TRIOBP: variants seen among roughly 807,000 people sequenced by gnomAD.
TRIOBP encodes TRIO and F-actin binding protein.
A neutral mutation model predicts 238.8 loss-of-function variants in TRIOBP; 169 were observed. That is an observed-to-expected ratio of 0.71 (90% CI 0.62 to 0.80). The LOEUF is 0.80. Among genes scored for constraint, TRIOBP ranks in the 30% least tolerant of loss-of-function variants. The pLI is 0.00. For synonymous variants in TRIOBP, 1,150 were observed against 1,274.4 expected, an observed-to-expected ratio of 0.90 and a Z score of 2.08; for missense variants, 2,838 against 3,122.6, an observed-to-expected ratio of 0.91 and a Z score of 2.17.
chr22:37,698,782 C>T (rs1182337947), intron 2 of TRIOBP, among the ~76,000 whole-genome samples: 1 of 148,970 alleles, frequency 6.7e-6, no homozygotes, highest in African/African-American at 2.5e-5. Context: ...TTTGAGGTTG[C>T]AAGGAGCTAT....
intron 11 of TRIOBP, chr22:37,746,113 C>T (rs1389268166): frequency 2.2e-6 from 2 of 904,822 alleles, no homozygotes; most frequent in Non-Finnish European, 2.7e-6. Context: ...GGTCCCGCCC[C>T]CGGCCCGTCT....
chr22:37,771,761 G>T, intron 22 of TRIOBP, 25 bp downstream of exon 22: 1 of 1,611,046 alleles, frequency 6.2e-7, no homozygotes, highest in Non-Finnish European at 8.5e-7. Context: ...TGGGCTGGGG[G>T]CCGTCGGGGA....
At chr22:37,750,957 C>A in intron 11 of TRIOBP, 1 of 366,898 alleles carries the variant, frequency 2.7e-6, no homozygotes. Flanking sequence ...CCACCTCCTC[C>A]CTGCCGGCGC....
At chr22:37,753,961 G>T (rs895306680) in intron 12 of TRIOBP, among the ~76,000 whole-genome samples, 1 of 152,150 alleles carries the variant, frequency 6.6e-6, no homozygotes, top group African/African-American at 2.4e-5. Context: ...AGGCTGTTCT[G>T]GCGCCCCCAC....
intron 3 of TRIOBP, among the ~76,000 whole-genome samples, chr22:37,708,991 G>A (rs1358799026): frequency 1.3e-5 from 2 of 152,214 alleles, no homozygotes; most frequent in African/African-American, 4.8e-5. Flanking sequence ...TGCCTGGCAA[G>A]TCTCTCCTCA....
chr22:37,747,655 G>A (rs1925355156), intron 11 of TRIOBP, among the ~76,000 whole-genome samples: 1 of 152,346 alleles, frequency 6.6e-6, no homozygotes, highest in African/African-American at 2.4e-5. Flanking sequence ...AGTGTCCTGG[G>A]GCCAGGAGGA....
rs1255278785 is a variant in TRIOBP at position 37,733,338 on chromosome 22, G to C, written c.3988G>C (p.Gly1330Arg). 6.4e-7 allele frequency: 1 copy of C among 1,551,462 alleles called. No individual in the cohort carries two copies. The highest frequency in any genetic ancestry group is 8.7e-7 in the Non-Finnish European group (1 of 1,147,414). The change falls in exon 8 of 24, where the codon GGA becomes CGA. Residue 1330 changes from glycine to arginine, a missense_variant. Gly to Arg is a moderately radical substitution (Grantham distance 125). Coordinates refer to ENST00000644935, the MANE Select transcript of TRIOBP (RefSeq NM_001039141.3). Reference protein sequence around the residue: ...AAGAFQAQDEGRSQQPSQGQS... With the variant: ...AAGAFQAQDERRSQQPSQGQS... ...GGGGGCCTTCCAGGCCCAGGACGAG[G>C]GACGGTCACAGCAGCCCAGCCAAGG...
chr22:37,732,509 C>CA (rs36003951), intron 7 of TRIOBP, among the ~76,000 whole-genome samples: 37,457 of 99,850 alleles, frequency 0.38, 8,479 homozygotes, highest in South Asian at 0.51. Context: ...GACTCCATCT[C>CA]AAAAAAAAAA....
chr22:37,756,538 CTGTTATT>C (rs973913001), intron 15 of TRIOBP, among the ~76,000 whole-genome samples: 1 of 152,226 alleles, frequency 6.6e-6, no homozygotes, highest in Admixed American at 6.5e-5. Flanking sequence ...TGCAGTTGGA[CTGTTATT>C]TAGCATCTAG....
At position 37,723,473 on chromosome 22, in the gene TRIOBP, A is replaced by C. The variant is rs767789398; in HGVS notation, c.917A>C (p.Gln306Pro). The change falls in exon 7 of 24, where the codon CAA becomes CCA. Residue 306 changes from glutamine to proline, a missense_variant. By Grantham distance (76) the Gln-to-Pro change is moderately conservative. Transcript: ENST00000644935. ...QQEISRASSTQQETSRASSTQ... is the reference protein window; with the variant it reads ...QQEISRASSTPQETSRASSTQ... ...GAAATCTCCAGGGCCTCATCCACCC[A>C]ACAGGAAACCTCCAGGGCCTCATCC... 1 of 1,612,492 alleles carries C rather than the reference A, an allele frequency of 6.2e-7. No individual in the cohort carries two copies. Among genetic ancestry groups the C allele is most frequent in the African/African-American group, 1.3e-5 (1 of 74,260 alleles).
chr22:37,721,565 C>T (rs977837795), intron 6 of TRIOBP, among the ~76,000 whole-genome samples: 13 of 152,160 alleles, frequency 8.5e-5, no homozygotes, highest in Admixed American at 8.5e-4. Context: ...GCAACCTCCA[C>T]CTCCTGGGCT....
Position 37,740,959 on chromosome 22 carries a change from G to A in TRIOBP, c.5249G>A (p.Trp1750Ter), listed in dbSNP as rs756435324. 3.2e-6 allele frequency: 5 copies of A among 1,564,898 alleles called. No individual in the cohort carries two copies. Among genetic ancestry groups the A allele is most frequent in the Non-Finnish European group, 4.3e-6 (5 of 1,154,424 alleles). The change falls in exon 11 of 24, where the codon TGG becomes TAG. Residue 1750 changes from tryptophan (W) to a stop codon, truncating the protein, a stop_gained. Coordinates refer to ENST00000644935, the MANE Select transcript of TRIOBP (RefSeq NM_001039141.3). LOFTEE classifies it high-confidence loss of function. ...CTCAAGGGCCGACTGGTGACCTCAT[G>A]GCGGATGCCCGGGGACCGGCCCACG... The part of the protein sequence containing the change: ...SPLKGRLVTS[W>*]RMPGDRPTLF...
Position 37,758,124 on chromosome 22 carries a change from G to A in TRIOBP, c.6199G>A (p.Ala2067Thr), listed in dbSNP as rs369918712. Residue 2067 changes from alanine to threonine, a missense_variant, in exon 16 of 24, where the codon GCA becomes ACA. Transcript: ENST00000644935. The part of the protein sequence containing the change: ...RRGPPSDGHE[A>T]LEKEVQALRA... ...AGGGCCCCCAAGTGACGGCCACGAG[G>A]CACTGGAGAAGGAGGTAGGCACCAC... 6 of 1,610,932 alleles carry A rather than the reference G, an allele frequency of 3.7e-6. No homozygotes were observed. In the African/African-American group the frequency reaches 6.7e-5, roughly 18 times the overall value.
At chr22:37,746,435 C>G (rs1323457857) in intron 11 of TRIOBP, 4 of 1,424,028 alleles carry the variant, frequency 2.8e-6, no homozygotes, top group Non-Finnish European at 2.8e-6. Context: ...GTGCCCCAGT[C>G]AGCCGCCCGC....
intron 6 of TRIOBP, 117 bp downstream of exon 6, chr22:37,716,051 A>G (rs1923501773): frequency 9.5e-7 from 1 of 1,052,146 alleles, no homozygotes. Context: ...GAGTGTTAAT[A>G]ATAGTAACAG....
chr22:37,758,327 G>T (rs1418686278), intron 16 of TRIOBP, among the ~76,000 whole-genome samples, 189 bp downstream of exon 16: 3 of 152,184 alleles, frequency 2.0e-5, no homozygotes, highest in Non-Finnish European at 2.9e-5. Context: ...GTTTGGTTTG[G>T]TTTTGTTTTG....
rs748502827 is a variant in TRIOBP at position 37,734,874 on chromosome 22, C to T, written c.4538C>T (p.Thr1513Met). The change falls in exon 9 of 24, where the codon ACG becomes ATG. Residue 1513 changes from threonine (T) to methionine (M), a missense_variant. Thr to Met is a moderately conservative substitution (Grantham distance 81). Coordinates refer to ENST00000644935, the MANE Select transcript of TRIOBP (RefSeq NM_001039141.3). ...PRELGKRSPL[T>M]SPPENWGGPA... ...GAACTAGGAAAGAGAAGCCCACTCA[C>T]GAGCCCCCCTGAGAACTGGGGAGGC... The T allele has an allele frequency of 9.9e-6, 16 of 1,612,956 alleles. No individual in the cohort carries two copies. Among genetic ancestry groups the T allele is most frequent in the Admixed American group, 5.0e-5 (3 of 60,008 alleles).
Position 37,723,727 on chromosome 22 carries a change from T to C in TRIOBP, c.1171T>C (p.Ser391Pro). Residue 391 changes from serine (S) to proline (P), a missense_variant, in exon 7 of 24, where the codon TCC becomes CCC. This residue lies in a region of TRIOBP where 535 missense variants were observed against 537.3 expected (regional missense o/e 1.00). Coordinates refer to ENST00000644935, the MANE Select transcript of TRIOBP (RefSeq NM_001039141.3). ...TGTCCAGCAGGACGATCCCAGAGCC[T>C]CCTCTCCCAACAGAACCACTCAACG... ...PCVQQDDPRA[S>P]SPNRTTQREN... 2 of 1,601,232 alleles carry C rather than the reference T, an allele frequency of 1.2e-6. No homozygotes were observed. Among genetic ancestry groups the C allele is most frequent in the Admixed American group, 1.7e-5 (1 of 58,526 alleles).
rs36003951 is a variant in TRIOBP, at chr22:37,732,509, C to CAAAAA, written c.3948-773_3948-769dup. Among the ~76,000 whole-genome samples, 5 of 99,800 alleles carry CAAAAA rather than the reference C, an allele frequency of 5.0e-5. 1 individual carries two copies. Among genetic ancestry groups the CAAAAA allele is most frequent in the South Asian group, 3.9e-4 (1 of 2,548 alleles). 65.5% of individuals were successfully genotyped at this position (99,800 alleles called of 152,430 possible). ...TGGGTGACAGAGCGAGACTCCATCT[C>CAAAAA]AAAAAAAAAAAAAAAAAAAAGACAC... On this transcript the variant is annotated intron_variant, in intron 7 of 23. Transcript: ENST00000644935.
Sources: allele counts gnomAD v4.1 joint callset (sites outside exome capture counted in the v4.1 genomes callset), GRCh38; gene constraint gnomAD v4.1.1; regional missense constraint gnomAD v4.1.1; transcripts MANE v1.5; gene names NCBI Gene and HGNC (gene_info 2026-07-23, HGNC 2026-07-21).